MTRES1: variants seen among roughly 807,000 people sequenced by gnomAD.
MTRES1 encodes uncharacterized protein C6orf203.
In MTRES1, 11 loss-of-function variants were observed where a neutral mutation model predicts 17.4. That is an observed-to-expected ratio of 0.63 (90% confidence interval 0.40 to 1.05). The LOEUF (loss-of-function observed/expected upper bound fraction) is 1.05. MTRES1 is among the 50% of genes least tolerant of loss of function. The pLI, the probability that MTRES1 is intolerant of heterozygous loss-of-function variation, is 0.00. For synonymous variants in MTRES1, 94 were observed against 99.6 expected, an observed-to-expected ratio of 0.94 and a Z score of 0.34; for missense variants, 268 against 276.2, an observed-to-expected ratio of 0.97 and a Z score of 0.21.
At chr6:107,046,864 G>A (rs1240726945) in intron 3 of MTRES1, among the ~76,000 whole-genome samples, 1 of 152,054 alleles carries the variant, frequency 6.6e-6, no homozygotes, top group Non-Finnish European at 1.5e-5. Context: ...CTCTTCCTGG[G>A]ATCAGTTGGG....
chr6:107,045,500 T>A (rs1456068886), intron 3 of MTRES1, among the ~76,000 whole-genome samples: 5 of 151,284 alleles, frequency 3.3e-5, no homozygotes, highest in South Asian at 2.1e-4. Flanking sequence ...AAAAAAAAAA[T>A]TCTGTTAGAA....
Position 107,043,966 on chromosome 6 carries a change from A to C in MTRES1, c.471-294A>C, listed in dbSNP as rs185346355. Among the ~76,000 whole-genome samples the C allele has an allele frequency of 2.2e-3, 337 of 152,318 alleles. 1 individual carries two copies. Among genetic ancestry groups the C allele is most frequent in the African/African-American group, 7.7e-3 (320 of 41,580 alleles). ...ACATAGTGAAACCCTGTCTCTACTA[A>C]AAATACAAAAGTTAGGCATGTTGAT... On this transcript the variant is annotated intron_variant, in intron 2 of 3. Transcript: ENST00000311381.
chr6:107,037,610 A>G (rs1397895329), intron 1 of MTRES1, among the ~76,000 whole-genome samples: 2 of 152,232 alleles, frequency 1.3e-5, no homozygotes, highest in African/African-American at 4.8e-5. Context: ...TTCATTCTCT[A>G]TTACGCTAGA....
At chr6:107,041,655 A>T (rs968539407) in intron 2 of MTRES1, among the ~76,000 whole-genome samples, 4 of 151,860 alleles carry the variant, frequency 2.6e-5, no homozygotes, top group Non-Finnish European at 5.9e-5. Context: ...CCTCCCGAGT[A>T]GTTGGGAATA....
chr6:107,031,867 C>A (rs1582591736), intron 1 of MTRES1, among the ~76,000 whole-genome samples: 1 of 152,120 alleles, frequency 6.6e-6, no homozygotes, highest in Non-Finnish European at 1.5e-5. Context: ...TCCCAAAGTG[C>A]TGGGATTACA....
chr6:107,049,760 C>T (rs1217093956), intron 3 of MTRES1, among the ~76,000 whole-genome samples: 2 of 145,382 alleles, frequency 1.4e-5, no homozygotes, highest in African/African-American at 2.6e-5. Flanking sequence ...TTGCTCTTGT[C>T]GCCCAGGCTG....
intron 1 of MTRES1, 82 bp from the exon 2 acceptor site, chr6:107,039,667 G>T: frequency 7.1e-7 from 1 of 1,405,648 alleles, no homozygotes; most frequent in Non-Finnish European, 9.5e-7. Flanking sequence ...TACATAAAGC[G>T]TTCATAGTGC....
At chr6:107,047,195 C>T (rs1232820575) in intron 3 of MTRES1, among the ~76,000 whole-genome samples, 1 of 151,908 alleles carries the variant, frequency 6.6e-6, no homozygotes, top group Admixed American at 6.6e-5. Context: ...CACAGAGTAT[C>T]CTTTTCTTTG....
At chr6:107,035,316 A>G (rs1400303237) in intron 1 of MTRES1, among the ~76,000 whole-genome samples, 1 of 151,782 alleles carries the variant, frequency 6.6e-6, no homozygotes, top group Non-Finnish European at 1.5e-5. Flanking sequence ...TATTTTTAGC[A>G]GAGACCGGGT....
At chr6:107,048,388 C>CT (rs1554228684) in intron 3 of MTRES1, among the ~76,000 whole-genome samples, 2 of 151,912 alleles carry the variant, frequency 1.3e-5, no homozygotes, top group Non-Finnish European at 2.9e-5. Flanking sequence ...CCTCAGCCTC[C>CT]CAAAGTGCTG....
chr6:107,039,935 T>G lies in MTRES1; in HGVS notation c.175T>G (p.Phe59Val), dbSNP rs1554227425. ...ACGTGCACCAAATTATAAAACACTTTTTTATAATATTTTCTCACTGAGACT... is the reference window on the plus strand; with the variant it reads ...ACGTGCACCAAATTATAAAACACTTGTTTATAATATTTTCTCACTGAGACT... ...KLRAPNYKTL[F>V]YNIFSLRLPG... Residue 59 changes from phenylalanine to valine, a missense_variant, in exon 2 of 4, where the codon TTT becomes GTT. By Grantham distance (50) the Phe-to-Val change is conservative. Coordinates refer to ENST00000311381, the MANE Select transcript of MTRES1 (RefSeq NM_016487.5). The G allele has an allele frequency of 5.0e-6, 8 of 1,613,792 alleles. No homozygotes were observed. The highest frequency in any genetic ancestry group is 5.9e-6 in the Non-Finnish European group (7 of 1,179,780).
intron 1 of MTRES1, among the ~76,000 whole-genome samples, chr6:107,038,008 C>T (rs1774068503): frequency 6.6e-6 from 1 of 152,206 alleles, no homozygotes; most frequent in Admixed American, 6.5e-5. Flanking sequence ...CATGAGCCAC[C>T]ATGCCCACCC....
At chr6:107,044,208 A>T in intron 2 of MTRES1, 52 bp from the exon 3 acceptor site, 1 of 1,298,758 alleles carries the variant, frequency 7.7e-7, no homozygotes, top group Non-Finnish European at 1.1e-6. Flanking sequence ...TCTGGGCTTG[A>T]GTGTACCCAT....
intron 1 of MTRES1, among the ~76,000 whole-genome samples, chr6:107,039,003 G>A (rs572640985): frequency 4.6e-5 from 7 of 152,036 alleles, no homozygotes; most frequent in Admixed American, 1.3e-4. Flanking sequence ...GCAGTGAGCC[G>A]AGATCACGCC....
At chr6:107,048,553 A>G (rs1472429941) in intron 3 of MTRES1, among the ~76,000 whole-genome samples, 1 of 151,576 alleles carries the variant, frequency 6.6e-6, no homozygotes, top group East Asian at 2.0e-4. Flanking sequence ...AGGCCAAGGC[A>G]GGTGGATCAT....
chr6:107,031,312 G>A (rs1773828114), intron 1 of MTRES1, among the ~76,000 whole-genome samples: 1 of 148,896 alleles, frequency 6.7e-6, no homozygotes, highest in South Asian at 2.1e-4. Context: ...AACTGGGGAG[G>A]CAGAGGTTGC....
Position 107,050,784 on chromosome 6 carries a change from C to T in MTRES1, c.544-273C>T, listed in dbSNP as rs566694334. Among the ~76,000 whole-genome samples, 35 of 151,958 alleles carry T rather than the reference C, an allele frequency of 2.3e-4. No individual in the cohort carries two copies. The South Asian group carries it at 5.6e-3, about 24-fold the overall frequency. ...TAGAGACGGGATTTCACCATGTTGG[C>T]CAGGCTGGTCTCGAACTCCTGACCT... On this transcript the variant is annotated intron_variant, in intron 3 of 3. Transcript: ENST00000311381.
intron 1 of MTRES1, among the ~76,000 whole-genome samples, chr6:107,037,586 A>G (rs917307180): frequency 6.6e-6 from 1 of 152,248 alleles, no homozygotes; most frequent in Non-Finnish European, 1.5e-5. Context: ...AGGCATTTTT[A>G]TGAATGGGTA....
intron 1 of MTRES1, among the ~76,000 whole-genome samples, chr6:107,029,742 C>T (rs1773770845): frequency 1.3e-5 from 2 of 152,006 alleles, no homozygotes; most frequent in South Asian, 2.1e-4. Context: ...CCTCAGCCTC[C>T]CCAAGTACTG....
Sources: allele counts gnomAD v4.1 joint callset (sites outside exome capture counted in the v4.1 genomes callset), GRCh38; gene constraint gnomAD v4.1.1; transcripts MANE v1.5; gene names NCBI Gene and HGNC (gene_info 2026-07-23, HGNC 2026-07-21).